Variants in TMTC1 observed in about 807,000 individuals in gnomAD.
TMTC1 encodes the protein protein O-mannosyl-transferase TMTC1.
Under a neutral mutation model 104.8 loss-of-function variants are expected in TMTC1, and 73 were observed. That is an observed-to-expected ratio of 0.70 (90% CI 0.58 to 0.85). The LOEUF (loss-of-function observed/expected upper bound fraction) is 0.85, where lower values mean the gene tolerates loss of function less well. TMTC1 is among the 40% of genes least tolerant of loss of function. The pLI, the probability that TMTC1 is intolerant of heterozygous loss-of-function variation, is 0.00. For synonymous variants in TMTC1, 434 were observed against 428.7 expected (o/e 1.01, Z -0.15); for missense variants, 1,035 against 1,096.1 (o/e 0.94, Z 0.79).
At chr12:29,587,500 T>A (rs1396740210) in intron 7 of TMTC1, among the ~76,000 whole-genome samples, 2 of 152,014 alleles carry the variant, frequency 1.3e-5, no homozygotes, top group Admixed American at 6.6e-5. Context: ...ACCCAACTAA[T>A]TTTTGTATTT....
intron 8 of TMTC1, among the ~76,000 whole-genome samples, chr12:29,572,878 A>G (rs1192478987): frequency 6.6e-6 from 1 of 152,218 alleles, no homozygotes; most frequent in Non-Finnish European, 1.5e-5. Context: ...AACCAGAGGA[A>G]AAAAAAGATT....
At chr12:29,685,042 T>G (rs555566768) in intron 5 of TMTC1, among the ~76,000 whole-genome samples, 1 of 152,226 alleles carries the variant, frequency 6.6e-6, no homozygotes, top group Non-Finnish European at 1.5e-5. Flanking sequence ...TAATTGGGCA[T>G]AGGATGATAA....
intron 6 of TMTC1, among the ~76,000 whole-genome samples, chr12:29,626,024 A>G (rs1289903079): frequency 6.6e-6 from 1 of 152,236 alleles, no homozygotes; most frequent in Non-Finnish European, 1.5e-5. Flanking sequence ...ATGTCTTACA[A>G]GAAAAGATTC....
chr12:29,756,350 T>G (rs1592017105), intron 3 of TMTC1, among the ~76,000 whole-genome samples: 1 of 152,196 alleles, frequency 6.6e-6, no homozygotes, highest in African/African-American at 2.4e-5. Flanking sequence ...TAGGGGGGAT[T>G]AAACGAATGA....
intron 11 of TMTC1, among the ~76,000 whole-genome samples, chr12:29,531,501 G>A (rs11050274): frequency 0.06 from 9,167 of 152,190 alleles, 389 homozygotes; most frequent in Non-Finnish European, 0.095. Flanking sequence ...AATTTACAGT[G>A]GCCAGAGTCA....
rs1283776428 is a variant in TMTC1, at chr12:29,504,763, A to AG, written c.*2082dup. On this transcript the variant is annotated 3_prime_UTR_variant, in exon 18 of 18. Coordinates refer to ENST00000539277, the MANE Select transcript of TMTC1 (RefSeq NM_001193451.2). ...CCTACCTTTATTAGCACTTCAAGTA[A>AG]GGCGTAATCACTATTCAAAATTTGG... 6.6e-6 allele frequency: 1 copy of AG among 152,210 alleles called. No homozygotes were observed. Among genetic ancestry groups the AG allele is most frequent in the Non-Finnish European group, 1.5e-5 (1 of 68,036 alleles). The allele number at this position is 152,210 out of a possible 1,614,324, so 9.4% of individuals were successfully genotyped here. A position where few individuals can be genotyped will look rare whatever the true frequency, so the allele number is the denominator to read the frequency against.
chr12:29,727,119 T>A (rs924726024), intron 5 of TMTC1, among the ~76,000 whole-genome samples: 3 of 152,218 alleles, frequency 2.0e-5, no homozygotes, highest in Non-Finnish European at 1.5e-5. Flanking sequence ...TCTCAGCTTC[T>A]CTGTATTTGG....
At chr12:29,592,343 G>C (rs1946303165) in intron 7 of TMTC1, among the ~76,000 whole-genome samples, 1 of 152,170 alleles carries the variant, frequency 6.6e-6, no homozygotes, top group Non-Finnish European at 1.5e-5. Context: ...ATTTGGAAGT[G>C]AGAGTTTATT....
At chr12:29,640,251 A>G (rs1218149520) in intron 5 of TMTC1, among the ~76,000 whole-genome samples, 1 of 152,218 alleles carries the variant, frequency 6.6e-6, no homozygotes, top group East Asian at 1.9e-4. Flanking sequence ...AAAGGCGGAG[A>G]CTATTTTTAA....
At chr12:29,744,816 A>G (rs1942909827) in intron 5 of TMTC1, among the ~76,000 whole-genome samples, 2 of 152,258 alleles carry the variant, frequency 1.3e-5, no homozygotes, top group South Asian at 2.1e-4. Flanking sequence ...CCCACCAAAG[A>G]ACATTAAAGG....
intron 10 of TMTC1, among the ~76,000 whole-genome samples, chr12:29,551,703 C>A (rs1945109178): frequency 6.6e-6 from 1 of 151,746 alleles, no homozygotes; most frequent in African/African-American, 2.4e-5. Flanking sequence ...TTTAAATATT[C>A]TATTATATTC....
At chr12:29,649,311 T>C (rs752014873) in intron 5 of TMTC1, among the ~76,000 whole-genome samples, 2 of 152,202 alleles carry the variant, frequency 1.3e-5, no homozygotes, top group Admixed American at 6.5e-5. Flanking sequence ...TTCTTAGTTG[T>C]TAAAAAATGA....
intron 5 of TMTC1, among the ~76,000 whole-genome samples, chr12:29,638,366 C>T (rs902152724): frequency 2.0e-5 from 3 of 151,986 alleles, no homozygotes; most frequent in Admixed American, 6.6e-5. Context: ...TGAGGGTGAT[C>T]GGCTGGACTC....
At chr12:29,577,345 A>C (rs1400052930) in intron 8 of TMTC1, among the ~76,000 whole-genome samples, 1 of 152,130 alleles carries the variant, frequency 6.6e-6, no homozygotes, top group Non-Finnish European at 1.5e-5. Flanking sequence ...ATGAGATGAG[A>C]TCTACATTTG....
intron 10 of TMTC1, among the ~76,000 whole-genome samples, chr12:29,540,760 C>G (rs1187762941): frequency 6.6e-6 from 1 of 151,988 alleles, no homozygotes; most frequent in Non-Finnish European, 1.5e-5. Context: ...TTTCGGAGGC[C>G]GAGGCAGGTG....
chr12:29,716,884 G>A lies in TMTC1; in HGVS notation c.938+34782C>T, dbSNP rs573488297. ...CAAAAACTTAGCCGGGTGTGGTGGC[G>A]GGCACCTGTAGTCTCAGCTACTTGG... is the stretch of plus-strand genomic sequence containing the variant. On this transcript the variant is annotated intron_variant, in intron 5 of 17. Transcript: ENST00000539277. 5.9e-4 allele frequency among the ~76,000 whole-genome samples: 89 copies of A among 151,912 alleles called. 1 individual carries two copies. The highest frequency in any genetic ancestry group is 1.9e-3 in the African/African-American group (78 of 41,434).
intron 5 of TMTC1, among the ~76,000 whole-genome samples, chr12:29,747,271 G>A (rs886431335): frequency 1.3e-5 from 2 of 152,098 alleles, no homozygotes; most frequent in African/African-American, 4.8e-5. Flanking sequence ...GATGTTGGGG[G>A]ATGTTTACAC....
At chr12:29,591,823 TG>T (rs1041787300) in intron 7 of TMTC1, among the ~76,000 whole-genome samples, 4 of 152,382 alleles carry the variant, frequency 2.6e-5, no homozygotes, top group South Asian at 2.1e-4. Context: ...TTAAATCTGT[TG>T]TTTGGGAACT....
chr12:29,729,701 C>T lies in TMTC1; in HGVS notation c.938+21965G>A, dbSNP rs7313544. Among the ~76,000 whole-genome samples the T allele has an allele frequency of 4.0e-3, 612 of 152,282 alleles. 2 individuals carry two copies. Among genetic ancestry groups the T allele is most frequent in the African/African-American group, 0.014 (592 of 41,562 alleles). ...AGTCCCTTTGTAGATAATCCCCCTC[C>T]AATGATCCTAATTTGAATGTGCCAT... On this transcript the variant is annotated intron_variant, in intron 5 of 17. Transcript: ENST00000539277.
Sources: allele counts gnomAD v4.1 joint callset (sites outside exome capture counted in the v4.1 genomes callset), GRCh38; gene constraint gnomAD v4.1.1; transcripts MANE v1.5; gene names NCBI Gene and HGNC (gene_info 2026-07-23, HGNC 2026-07-21).